SPIRE1: variants seen among roughly 807,000 people sequenced by gnomAD.
SPIRE1 encodes spire type actin nucleation factor 1.
SPIRE1 carries 40 observed loss-of-function variants against 94.1 expected under a neutral mutation model. The ratio of observed to expected loss-of-function variants is 0.43; its 90% CI spans 0.33 to 0.55. The LOEUF is 0.55. SPIRE1 is among the 20% of genes least tolerant of loss of function. SPIRE1 has a pLI of 0.06. For synonymous variants in SPIRE1, 376 were observed against 371.7 expected (o/e 1.01, Z -0.13); for missense variants, 838 against 975.2 (o/e 0.86, Z 1.87).
rs572150975 is a variant in SPIRE1, at chr18:12,463,195, C to T, written c.1638+156G>A. ...AGGATTATAGGCACGAGCCACCACG[C>T]CTGGCTGTTTGTTTTCTTTAGCTAT... On this transcript the variant is annotated intron_variant, in intron 12 of 16. Transcript: ENST00000409402. Among the ~76,000 whole-genome samples the T allele has an allele frequency of 3.3e-5, 5 of 152,324 alleles. No homozygotes were observed. The South Asian group carries it at 8.3e-4, about 25-fold the overall frequency.
At chr18:12,595,380 C>T (rs1455810992) in intron 2 of SPIRE1, among the ~76,000 whole-genome samples, 3 of 152,126 alleles carry the variant, frequency 2.0e-5, no homozygotes, top group African/African-American at 7.2e-5. Flanking sequence ...ACCGGTAAGA[C>T]TTTCAATCAA....
intron 2 of SPIRE1, among the ~76,000 whole-genome samples, chr18:12,591,968 C>CAAAAAAAAAAAAAAAAAAAA: frequency 3.0e-5 from 2 of 67,444 alleles, no homozygotes; most frequent in African/African-American, 5.7e-5. Flanking sequence ...GACTCCATCT[C>CAAAAAAAAAAAAAAAAAAAA]AAAAAAAAAA....
intron 9 of SPIRE1, among the ~76,000 whole-genome samples, chr18:12,481,289 G>A (rs1258058765): frequency 8.1e-6 from 1 of 124,148 alleles, no homozygotes; most frequent in African/African-American, 3.1e-5. Context: ...CCCGCCCCCC[G>A]CAAGAATGTG....
intron 3 of SPIRE1, among the ~76,000 whole-genome samples, chr18:12,542,866 G>A (rs1439596274): frequency 2.6e-5 from 4 of 151,570 alleles, no homozygotes; most frequent in South Asian, 2.1e-4. Flanking sequence ...TTGCTCCATC[G>A]CCCAGGCTGG....
At chr18:12,490,000 T>C (rs2033177303) in intron 8 of SPIRE1, among the ~76,000 whole-genome samples, 2 of 152,192 alleles carry the variant, frequency 1.3e-5, no homozygotes, top group African/African-American at 4.8e-5. Context: ...GCCAATATTA[T>C]CAGAACTGAA....
intron 4 of SPIRE1, among the ~76,000 whole-genome samples, chr18:12,517,385 C>T (rs2034228047): frequency 6.6e-6 from 1 of 152,164 alleles, no homozygotes; most frequent in Non-Finnish European, 1.5e-5. Flanking sequence ...TCTATAAATA[C>T]TGTAATCAAA....
intron 2 of SPIRE1, among the ~76,000 whole-genome samples, chr18:12,618,621 A>T (rs533527925): frequency 6.6e-6 from 1 of 152,360 alleles, no homozygotes; most frequent in East Asian, 1.9e-4. Flanking sequence ...AGAGAAAATT[A>T]TCCTAAAGGG....
chr18:12,480,353 A>G (rs2032793704), intron 9 of SPIRE1, among the ~76,000 whole-genome samples: 1 of 152,176 alleles, frequency 6.6e-6, no homozygotes, highest in African/African-American at 2.4e-5. Context: ...TCTGGGATAC[A>G]TTTCCTCTGA....
chr18:12,588,605 TAA>T (rs5823229), intron 2 of SPIRE1, among the ~76,000 whole-genome samples: 25,020 of 135,438 alleles, frequency 0.18, 2,292 homozygotes, highest in Admixed American at 0.26. Context: ...TGTCTCACTT[TAA>T]AAAAAAAAAA....
chr18:12,517,241 T>C (rs1184615280), intron 4 of SPIRE1, among the ~76,000 whole-genome samples: 3 of 152,226 alleles, frequency 2.0e-5, no homozygotes, highest in South Asian at 4.1e-4. Context: ...GAGGATTTGA[T>C]TGTGAATACT....
chr18:12,529,615 T>G (rs2034628705), intron 4 of SPIRE1, among the ~76,000 whole-genome samples: 1 of 152,172 alleles, frequency 6.6e-6, no homozygotes, highest in African/African-American at 2.4e-5. Context: ...CCCACACCTG[T>G]AGAGCCTACT....
intron 12 of SPIRE1, among the ~76,000 whole-genome samples, chr18:12,456,998 T>C (rs1289977895): frequency 2.6e-5 from 4 of 152,112 alleles, no homozygotes; most frequent in Non-Finnish European, 5.9e-5. Context: ...CCACCACACC[T>C]AGCTAATTTT....
chr18:12,572,411 A>G (rs1157051072), intron 2 of SPIRE1, among the ~76,000 whole-genome samples: 2 of 152,022 alleles, frequency 1.3e-5, no homozygotes, highest in Non-Finnish European at 1.5e-5. Context: ...CAGTGCTAGG[A>G]TTACAGACAT....
intron 2 of SPIRE1, among the ~76,000 whole-genome samples, chr18:12,581,964 T>G (rs2036268697): frequency 6.6e-6 from 1 of 152,218 alleles, no homozygotes; most frequent in Non-Finnish European, 1.5e-5. Context: ...ATAGGTTTCA[T>G]TAACAACTGT....
chr18:12,551,439 C>A (rs1413429968), intron 2 of SPIRE1, among the ~76,000 whole-genome samples: 3 of 152,128 alleles, frequency 2.0e-5, no homozygotes, highest in Non-Finnish European at 4.4e-5. Flanking sequence ...CGGTGGCTCA[C>A]GCCTGTAATC....
At chr18:12,606,202 C>T (rs577332628) in intron 2 of SPIRE1, among the ~76,000 whole-genome samples, 1 of 151,514 alleles carries the variant, frequency 6.6e-6, no homozygotes, top group Non-Finnish European at 1.5e-5. Flanking sequence ...ATTTTATATA[C>T]ATTTACTTAT....
chr18:12,643,221 T>C (rs2038133710), intron 1 of SPIRE1, among the ~76,000 whole-genome samples: 1 of 152,188 alleles, frequency 6.6e-6, no homozygotes. Flanking sequence ...AAAGTCAAAG[T>C]ACTCTTTGTA....
In SPIRE1 at chr18:12,627,627, G is replaced by A. The variant is rs536094772; in HGVS notation, c.372+7435C>T. On this transcript the variant is annotated intron_variant, in intron 2 of 16. Coordinates refer to ENST00000409402, the MANE Select transcript of SPIRE1 (RefSeq NM_001128626.2). ...ATTTCTAGTTCTCGATCCTTGAATC[G>A]CCACACTGTCTTCCATAATGGTTGA... Among the ~76,000 whole-genome samples, 14 of 152,174 alleles carry A rather than the reference G, an allele frequency of 9.2e-5. No homozygotes were observed. In the South Asian group the frequency reaches 1.9e-3, roughly 20 times the overall value.
chr18:12,526,088 CACACAG>C (rs2034516398), intron 4 of SPIRE1, among the ~76,000 whole-genome samples: 4 of 147,826 alleles, frequency 2.7e-5, no homozygotes, highest in African/African-American at 9.9e-5. Context: ...CACACACACA[CACACAG>C]AGATGTATCT....
Sources: gnomAD v4.1 joint callset for allele counts (sites outside exome capture counted in the v4.1 genomes callset) on GRCh38, gnomAD v4.1.1 for gene constraint, MANE v1.5 for transcripts, NCBI Gene and HGNC (gene_info 2026-07-23, HGNC 2026-07-21) for gene names.